The following NAALADL2 variants were observed in gnomAD, a reference collection of about 807,000 sequenced individuals.
The protein encoded by NAALADL2 is inactive N-acetylated-alpha-linked acidic dipeptidase-like protein 2.
A neutral mutation model predicts 87.2 loss-of-function variants in NAALADL2; 76 were observed. The observed-to-expected ratio is 0.87, with a 90% CI of 0.72 to 1.05. The LOEUF (loss-of-function observed/expected upper bound fraction) is 1.05, where lower values mean the gene tolerates loss of function less well. Among genes scored for constraint, NAALADL2 ranks in the 50% least tolerant of loss-of-function variants. The pLI, the probability that NAALADL2 is intolerant of heterozygous loss-of-function variation, is 0.00. For missense variants in NAALADL2, 1,089 were observed against 945.8 expected (o/e 1.15, Z -1.99); for synonymous variants, 354 against 331.0 (o/e 1.07, Z -0.75).
At chr3:174,804,094 T>C (rs1336030587) in intron 3 of NAALADL2, among the ~76,000 whole-genome samples, 1 of 152,178 alleles carries the variant, frequency 6.6e-6, no homozygotes, top group African/African-American at 2.4e-5. Context: ...ATTCTTCCTA[T>C]TCATGAGCAT....
intron 5 of NAALADL2, among the ~76,000 whole-genome samples, chr3:175,444,076 G>A (rs1000701621): frequency 3.3e-5 from 5 of 152,150 alleles, no homozygotes; most frequent in Non-Finnish European, 7.4e-5. Flanking sequence ...TAAGATGTAT[G>A]AAGAAAACTG....
rs536058438 is a variant in NAALADL2, at chr3:175,004,787, G to C, written c.44-92003G>C. On this transcript the variant is annotated intron_variant, in intron 1 of 13. Transcript: ENST00000454872. Reference sequence around the variant, plus strand: ...CATTATCTTCAGGTTATGTGTATAAGGTATATATGAAACATAAATGCAGTT... The same window carrying C: ...CATTATCTTCAGGTTATGTGTATAACGTATATATGAAACATAAATGCAGTT... Among the ~76,000 whole-genome samples the C allele has an allele frequency of 1.4e-3, 207 of 151,890 alleles. 1 individual carries two copies. The highest frequency in any genetic ancestry group is 4.8e-3 in the African/African-American group (199 of 41,412).
chr3:175,058,371 A>G (rs924404455), intron 1 of NAALADL2, among the ~76,000 whole-genome samples: 2 of 152,214 alleles, frequency 1.3e-5, no homozygotes, highest in Non-Finnish European at 2.9e-5. Context: ...TTATTCACAC[A>G]TAGCTAGGCC....
intron 9 of NAALADL2, among the ~76,000 whole-genome samples, chr3:175,522,326 T>C (rs1431044490): frequency 6.6e-6 from 1 of 152,210 alleles, no homozygotes; most frequent in African/African-American, 2.4e-5. Context: ...TCCTAATATA[T>C]GAACATCAGC....
At chr3:175,181,402 T>C (rs1242018363) in intron 2 of NAALADL2, among the ~76,000 whole-genome samples, 1 of 151,884 alleles carries the variant, frequency 6.6e-6, no homozygotes, top group Non-Finnish European at 1.5e-5. Flanking sequence ...ATCCATCATC[T>C]CAAATGCTTA....
chr3:174,738,307 T>C (rs1365634740), intron 3 of NAALADL2, among the ~76,000 whole-genome samples: 5 of 152,182 alleles, frequency 3.3e-5, no homozygotes, highest in Non-Finnish European at 5.9e-5. Context: ...AGGCACAAAA[T>C]AATAACATAG....
intron 5 of NAALADL2, among the ~76,000 whole-genome samples, chr3:175,429,783 A>T (rs568303433): frequency 6.6e-6 from 1 of 152,150 alleles, no homozygotes; most frequent in Non-Finnish European, 1.5e-5. Context: ...ATAAAAGAAT[A>T]ACATCTGCAA....
chr3:175,538,634 T>C (rs1444302860), intron 9 of NAALADL2, among the ~76,000 whole-genome samples: 2 of 152,192 alleles, frequency 1.3e-5, no homozygotes, highest in Admixed American at 1.3e-4. Context: ...TTTTTCTCCA[T>C]TCATATTTTT....
chr3:175,646,389 T>A (rs1730004622), intron 11 of NAALADL2, among the ~76,000 whole-genome samples: 1 of 152,150 alleles, frequency 6.6e-6, no homozygotes, highest in Non-Finnish European at 1.5e-5. Context: ...CTATTTTATA[T>A]TAAAATGTAC....
intron 10 of NAALADL2, among the ~76,000 whole-genome samples, chr3:175,611,732 G>A (rs1043372968): frequency 2.6e-5 from 4 of 152,042 alleles, no homozygotes; most frequent in African/African-American, 9.7e-5. Context: ...ATTTACAAAG[G>A]AAATAGTCTG....
At chr3:174,791,505 C>T (rs1386649758) in intron 3 of NAALADL2, among the ~76,000 whole-genome samples, 2 of 152,156 alleles carry the variant, frequency 1.3e-5, no homozygotes, top group African/African-American at 4.8e-5. Context: ...CTTTTCTAGC[C>T]TCTGGAACTG....
At chr3:175,136,681 G>T (rs1729168405) in intron 2 of NAALADL2, among the ~76,000 whole-genome samples, 1 of 151,862 alleles carries the variant, frequency 6.6e-6, no homozygotes, top group Non-Finnish European at 1.5e-5. Flanking sequence ...TAATGAGGGT[G>T]TTCTTCAAAA....
intron 1 of NAALADL2, among the ~76,000 whole-genome samples, chr3:174,923,854 T>C (rs916668553): frequency 6.6e-6 from 1 of 152,124 alleles, no homozygotes. Context: ...AGAACCTCAA[T>C]TTGTGATATT....
chr3:174,482,668 TC>T, intron 1 of NAALADL2, among the ~76,000 whole-genome samples: 1 of 151,928 alleles, frequency 6.6e-6, no homozygotes, highest in East Asian at 1.9e-4. Flanking sequence ...TTCACCACTC[TC>T]CCCTCCCAAC....
At chr3:175,096,743 T>A (rs1215629419) in intron 1 of NAALADL2, 47 bp from the exon 2 acceptor site, 5 of 1,268,010 alleles carry the variant, frequency 3.9e-6, no homozygotes, top group Non-Finnish European at 5.2e-6. Context: ...TTAGTTTTTT[T>A]AATTGTGTGT....
chr3:174,811,352 C>A (rs902064650), intron 3 of NAALADL2, among the ~76,000 whole-genome samples: 2 of 152,160 alleles, frequency 1.3e-5, no homozygotes, highest in African/African-American at 2.4e-5. Flanking sequence ...GTGGCTGCAC[C>A]CTGTAAAGCC....
intron 1 of NAALADL2, among the ~76,000 whole-genome samples, chr3:174,898,052 G>C (rs1236766561): frequency 8.8e-6 from 1 of 113,840 alleles, no homozygotes. Context: ...GGCGGAGCTT[G>C]CAGTGAGCCG....
intron 2 of NAALADL2, among the ~76,000 whole-genome samples, chr3:174,717,286 T>C (rs1731278188): frequency 6.6e-6 from 1 of 152,118 alleles, no homozygotes; most frequent in Admixed American, 6.6e-5. Flanking sequence ...ATTATAAAGC[T>C]GAGATTGAAG....
chr3:175,543,463 A>C (rs904346358), intron 9 of NAALADL2, among the ~76,000 whole-genome samples: 19 of 152,164 alleles, frequency 1.2e-4, no homozygotes, highest in African/African-American at 4.6e-4. Context: ...GAAATACCCA[A>C]GACTGGATAA....
Sources: gnomAD v4.1 joint callset for allele counts (sites outside exome capture counted in the v4.1 genomes callset) on GRCh38, gnomAD v4.1.1 for gene constraint, MANE v1.5 for transcripts, NCBI Gene and HGNC (gene_info 2026-07-23, HGNC 2026-07-21) for gene names.